MEAK7: variants seen among roughly 807,000 people sequenced by gnomAD.
MEAK7 encodes MTOR associated protein MEAK7.
Under a neutral mutation model 40.5 loss-of-function variants are expected in MEAK7, and 68 were observed. That is an observed-to-expected ratio of 1.68 (90% confidence interval 1.38 to 2.06). The LOEUF (loss-of-function observed/expected upper bound fraction) is 2.06, where lower values mean the gene tolerates loss of function less well. Among genes scored for constraint, MEAK7 ranks in the 30% most tolerant of loss-of-function variants. The probability of loss-of-function intolerance (pLI) is 0.00; values close to 1 mark genes in which losing one functional copy is unlikely to be tolerated. For synonymous variants in MEAK7, 338 were observed against 231.9 expected, an observed-to-expected ratio of 1.46 and a Z score of -4.16; for missense variants, 918 against 580.5, an observed-to-expected ratio of 1.58 and a Z score of -5.98.
chr16:84,495,835 T>A lies in MEAK7; in HGVS notation c.232A>T (p.Lys78Ter). The change falls in exon 3 of 8, where the codon AAG becomes TAG. Residue 78 changes from lysine (K) to a stop codon, truncating the protein, a stop_gained. Transcript: ENST00000343629. LOFTEE classifies it high-confidence loss of function. ...DGMRRVDLTG[K>*]AKGPSENVSQ... ...ACGTTCTCACTGGGTCCCTTCGCCT[T>A]CCCTGTCAGGTCGACCCTCCGCATG... The A allele has an allele frequency of 6.2e-7, 1 of 1,614,066 alleles. No individual in the cohort carries two copies. The highest frequency in any genetic ancestry group is 8.5e-7 in the Non-Finnish European group (1 of 1,180,008).
chr16:84,485,431 C>T (rs1310219991), intron 5 of MEAK7, among the ~76,000 whole-genome samples: 1 of 152,192 alleles, frequency 6.6e-6, no homozygotes, highest in East Asian at 1.9e-4. Context: ...GAAAGCTCTC[C>T]TGCAAGGGCA....
At chr16:84,488,703 T>C (rs145989930) in intron 4 of MEAK7, among the ~76,000 whole-genome samples, 9 of 152,036 alleles carry the variant, frequency 5.9e-5, no homozygotes, top group African/African-American at 2.2e-4. Flanking sequence ...GTAGGCCAAA[T>C]GAAAAAATCC....
intron 1 of MEAK7, among the ~76,000 whole-genome samples, chr16:84,501,718 G>GT (rs1221972588): frequency 2.0e-5 from 3 of 152,136 alleles, no homozygotes; most frequent in Non-Finnish European, 4.4e-5. Flanking sequence ...AGGTGGGAAG[G>GT]TGGGCAGCCC....
In MEAK7 at chr16:84,486,906, G is replaced by T. The variant is rs369291555; in HGVS notation, c.683C>A (p.Thr228Asn). 19 of 1,614,096 alleles carry T rather than the reference G, an allele frequency of 1.2e-5. No individual in the cohort carries two copies. Among genetic ancestry groups the T allele is most frequent in the Non-Finnish European group, 1.4e-5 (17 of 1,180,040 alleles). The change falls in exon 5 of 8, where the codon ACT becomes AAT. Residue 228 changes from threonine (T) to asparagine (N), a missense_variant. Thr to Asn is a moderately conservative substitution (Grantham distance 65). Coordinates refer to ENST00000343629, the MANE Select transcript of MEAK7 (RefSeq NM_020947.4). ...CACTTGACGCTCAGGGACCAGGGTA[G>T]TCAGATCAAGAGACGAGCACAGGAT... Reference protein sequence around the residue: ...FLILCSSLDLTTLVPERQVDQ... With the variant: ...FLILCSSLDLNTLVPERQVDQ...
At chr16:84,500,494 G>C (rs1745255705) in intron 1 of MEAK7, among the ~76,000 whole-genome samples, 1 of 152,182 alleles carries the variant, frequency 6.6e-6, no homozygotes, top group Non-Finnish European at 1.5e-5. Flanking sequence ...CAGCGGATGG[G>C]CCTTTAACAG....
At position 84,498,434 on chromosome 16, in the gene MEAK7, A is replaced by T. The variant is rs1450301154; in HGVS notation, c.-25-323T>A. 5.5e-5 allele frequency among the ~76,000 whole-genome samples: 8 copies of T among 145,608 alleles called. No individual in the cohort carries two copies. In the East Asian group the frequency reaches 1.6e-3, roughly 28 times the overall value. The stretch of plus-strand genomic sequence containing the variant: ...CAGGACCACACCAGGATGCCTGGCT[A>T]ATTTTTTTTTTTTTGTCTTCTGTAG... On this transcript the variant is annotated intron_variant, in intron 1 of 7. Transcript: ENST00000343629.
chr16:84,496,017 G>C, intron 2 of MEAK7, 104 bp from the exon 3 acceptor site: 1 of 1,285,448 alleles, frequency 7.8e-7, no homozygotes, highest in Admixed American at 2.3e-5. Context: ...GGGTCCTTGG[G>C]AAGTTTTCGT....
intron 6 of MEAK7, among the ~76,000 whole-genome samples, chr16:84,481,142 C>T (rs1384835129): frequency 6.6e-6 from 1 of 152,258 alleles, no homozygotes; most frequent in Non-Finnish European, 1.5e-5. Context: ...GCGATCCTCA[C>T]CCCAAGACAG....
chr16:84,494,613 A>G (rs1913892060), intron 3 of MEAK7: 2 of 334,186 alleles, frequency 6.0e-6, no homozygotes, highest in Non-Finnish European at 1.2e-5. Context: ...TATGGCCTAT[A>G]TGAGTTTTCC....
At chr16:84,495,048 C>A (rs1030515577) in intron 3 of MEAK7, among the ~76,000 whole-genome samples, 1 of 152,142 alleles carries the variant, frequency 6.6e-6, no homozygotes, top group African/African-American at 2.4e-5. Flanking sequence ...GCAGGCGGAC[C>A]ACCTAAGCTC....
chr16:84,490,954 G>C (rs185000928), intron 3 of MEAK7, among the ~76,000 whole-genome samples: 92 of 139,452 alleles, frequency 6.6e-4, no homozygotes, highest in African/African-American at 2.3e-3. Flanking sequence ...GTTATAAACA[G>C]ACCAGTTCCT....
At chr16:84,490,666 G>GTT (rs1182827300) in intron 3 of MEAK7, among the ~76,000 whole-genome samples, 1 of 149,074 alleles carries the variant, frequency 6.7e-6, no homozygotes, top group Non-Finnish European at 1.5e-5. Context: ...GTGTGTGTGT[G>GTT]TGTGTGTGTG....
intron 5 of MEAK7, among the ~76,000 whole-genome samples, chr16:84,483,230 G>A (rs914978429): frequency 6.6e-6 from 1 of 152,204 alleles, no homozygotes; most frequent in Non-Finnish European, 1.5e-5. Context: ...GTTTACCCTC[G>A]CCCAAAGGCA....
chr16:84,483,945 G>C (rs1474490896), intron 5 of MEAK7, among the ~76,000 whole-genome samples: 1 of 152,226 alleles, frequency 6.6e-6, no homozygotes, highest in African/African-American at 2.4e-5. Context: ...CTGGGCTACA[G>C]ACTCAGGCTT....
At position 84,503,886 on chromosome 16, in the gene MEAK7, C is replaced by A. The variant is rs1001137932; in HGVS notation, c.-26+715G>T. The A allele has an allele frequency of 2.9e-5, 28 of 974,300 alleles. No homozygotes were observed. The African/African-American group carries it at 4.9e-4, about 17-fold the overall frequency. The allele number at this position is 974,300 out of a possible 1,614,324, so 60.4% of individuals were successfully genotyped here. A position where few individuals can be genotyped will look rare whatever the true frequency, so the allele number is the denominator to read the frequency against. Reference sequence around the variant, plus strand: ...GGCTGTTACATGGCTGCTTCCCACCCTGGCTGCCAAGCTCCAACTCTCTAC... The same window carrying A: ...GGCTGTTACATGGCTGCTTCCCACCATGGCTGCCAAGCTCCAACTCTCTAC... On this transcript the variant is annotated intron_variant, in intron 1 of 7. Coordinates refer to ENST00000343629, the MANE Select transcript of MEAK7 (RefSeq NM_020947.4).
At chr16:84,492,255 G>C (rs759395102) in intron 3 of MEAK7, among the ~76,000 whole-genome samples, 1 of 152,136 alleles carries the variant, frequency 6.6e-6, no homozygotes, top group Non-Finnish European at 1.5e-5. Context: ...CCTTGTGTCA[G>C]ATTAACAAGG....
At chr16:84,484,221 G>C (rs779102806) in intron 5 of MEAK7, among the ~76,000 whole-genome samples, 4 of 152,220 alleles carry the variant, frequency 2.6e-5, no homozygotes, top group Admixed American at 2.0e-4. Context: ...GGAGGGGGAA[G>C]CATCATTCCC....
intron 3 of MEAK7, chr16:84,494,673 C>G: frequency 5.5e-6 from 2 of 361,066 alleles, no homozygotes; most frequent in South Asian, 4.0e-5. Context: ...TCCTCCCCCA[C>G]TATTTTTTCT....
In MEAK7 at chr16:84,478,175, T is replaced by C. The variant is rs1337316933; in HGVS notation, c.*1738A>G. On this transcript the variant is annotated 3_prime_UTR_variant, in exon 8 of 8. Coordinates refer to ENST00000343629, the MANE Select transcript of MEAK7 (RefSeq NM_020947.4). ...TTCTTTGGACTTACGGTAGAGATGCTTGAGGATCCTAATATTCTACTTCTG... is the reference window on the plus strand; with the variant it reads ...TTCTTTGGACTTACGGTAGAGATGCCTGAGGATCCTAATATTCTACTTCTG... 1 of 151,828 alleles carries C rather than the reference T, an allele frequency of 6.6e-6. No homozygotes were observed. Among genetic ancestry groups the C allele is most frequent in the African/African-American group, 2.4e-5 (1 of 41,340 alleles). The allele number at this position is 151,828 out of a possible 1,614,324, so 9.4% of individuals were successfully genotyped here. A position where few individuals can be genotyped will look rare whatever the true frequency, so the allele number is the denominator to read the frequency against.
Sources: gnomAD v4.1 joint callset for allele counts (sites outside exome capture counted in the v4.1 genomes callset) on GRCh38, gnomAD v4.1.1 for gene constraint, MANE v1.5 for transcripts, NCBI Gene and HGNC (gene_info 2026-07-23, HGNC 2026-07-21) for gene names.